Variants in CRHR2 observed in about 807,000 individuals in gnomAD.
The protein encoded by CRHR2 is corticotropin releasing hormone receptor 2, also known as corticotropin-releasing hormone receptor 2.
CRHR2 carries 53 observed loss-of-function variants against 57.9 expected under a neutral mutation model. That is an observed-to-expected ratio of 0.92 (90% CI 0.73 to 1.15). The LOEUF (loss-of-function observed/expected upper bound fraction) is 1.15. Among genes scored for constraint, CRHR2 ranks in the 50% most tolerant of loss-of-function variants. The pLI is 0.00. For synonymous variants in CRHR2, 213 were observed against 220.9 expected (o/e 0.96, Z 0.32); for missense variants, 532 against 542.6 (o/e 0.98, Z 0.19).
rs1309401047 is a variant in CRHR2 at position 30,665,116 on chromosome 7, C to G, written c.497G>C (p.Trp166Ser). 6.2e-7 allele frequency: 1 copy of G among 1,614,064 alleles called. No individual in the cohort carries two copies. The highest frequency in any genetic ancestry group is 1.1e-5 in the South Asian group (1 of 91,072). ...ATGGTCAACGAGCTGCAGCAGGAACCACATGACATTTCGCAGGATAAAGGT... is the reference window on the plus strand; with the variant it reads ...ATGGTCAACGAGCTGCAGCAGGAACGACATGACATTTCGCAGGATAAAGGT... The part of the protein sequence containing the change: ...ITTFILRNVM[W>S]FLLQLVDHEV... The change falls in exon 5 of 12, where the codon TGG (tryptophan) becomes TCG (serine). Residue 166 changes from tryptophan (W) to serine (S), a missense_variant. Coordinates refer to ENST00000471646, the MANE Select transcript of CRHR2 (RefSeq NM_001883.5). This position sits in a 1 kb window ranked among gnomAD's most constrained non-coding sequence, Gnocchi z 4.5.
At chr7:30,683,492 G>A (rs950120472), upstream of CRHR2, among the ~76,000 whole-genome samples, 3 of 152,154 alleles carry the variant, frequency 2.0e-5, no homozygotes, top group African/African-American at 4.8e-5. Context: ...TGCCCAGGGC[G>A]GGCCTGCTGT....
At chr7:30,663,931 G>C (rs1415030162) in intron 5 of CRHR2, among the ~76,000 whole-genome samples, 1 of 152,202 alleles carries the variant, frequency 6.6e-6, no homozygotes, top group African/African-American at 2.4e-5. Flanking sequence ...TAACCCTCCT[G>C]TGCTGAGCTG....
chr7:30,663,629 G>A (rs1784091315), intron 5 of CRHR2, among the ~76,000 whole-genome samples: 1 of 152,206 alleles, frequency 6.6e-6, no homozygotes, highest in African/African-American at 2.4e-5. Flanking sequence ...CAGGCACCAA[G>A]GCTACCTTCC....
At chr7:30,671,639 A>T (rs1292870024) in intron 2 of CRHR2, among the ~76,000 whole-genome samples, 37 of 87,026 alleles carry the variant, frequency 4.3e-4, no homozygotes, top group Non-Finnish European at 6.5e-4. Context: ...ATCTCTCAAA[A>T]AAAAAAAAAA....
In CRHR2 at chr7:30,653,634, G is replaced by C. The variant is rs771274285; in HGVS notation, c.1096-34C>G. The C allele has an allele frequency of 5.7e-6, 9 of 1,586,050 alleles. No homozygotes were observed. The highest frequency in any genetic ancestry group is 7.7e-6 in the Non-Finnish European group (9 of 1,170,500). On this transcript the variant is annotated intron_variant, in intron 11 of 11. Transcript: ENST00000471646. This position sits in a 1 kb window ranked among gnomAD's most constrained non-coding sequence, Gnocchi z 5.0. ...AAGGCAGAGGCTCAGCTGGCTCCCA[G>C]GGACCAACCCTGGGCTTCTGGGACC...
At chr7:30,685,725 T>C (rs776172291), upstream of CRHR2, among the ~76,000 whole-genome samples, 12 of 152,178 alleles carry the variant, frequency 7.9e-5, no homozygotes, top group Non-Finnish European at 1.6e-4. Flanking sequence ...AGATGGACAA[T>C]AGGATTCCCA....
upstream of CRHR2, among the ~76,000 whole-genome samples, chr7:30,687,416 A>G (rs1784876351): frequency 6.6e-6 from 1 of 152,032 alleles, no homozygotes; most frequent in Non-Finnish European, 1.5e-5. Flanking sequence ...CGACGAAACT[A>G]TGGACACACT....
chr7:30,691,728 C>G (rs1784964032), intron 1 of CRHR2, among the ~76,000 whole-genome samples: 1 of 152,188 alleles, frequency 6.6e-6, no homozygotes, highest in South Asian at 2.1e-4. Context: ...CTGCTGGCCC[C>G]AAAAGCTGAC....
chr7:30,678,405 C>T lies in CRHR2; in HGVS notation c.229+3510G>A, dbSNP rs77035496. On this transcript the variant is annotated intron_variant, in intron 2 of 11. Coordinates refer to ENST00000471646, the MANE Select transcript of CRHR2 (RefSeq NM_001883.5). ...TGTGGAAGCTCAGCCACTGAAGCGC[C>T]AGCACAGGTTGTGTAGAGAACACCC... Among the ~76,000 whole-genome samples, 228 of 152,334 alleles carry T rather than the reference C, an allele frequency of 1.5e-3. 1 individual carries two copies. The highest frequency in any genetic ancestry group is 5.2e-3 in the African/African-American group (215 of 41,564).
chr7:30,679,370 A>G (rs1784622828), intron 2 of CRHR2, among the ~76,000 whole-genome samples: 1 of 152,226 alleles, frequency 6.6e-6, no homozygotes, highest in South Asian at 2.1e-4. Flanking sequence ...AGGACTTTCA[A>G]TAAGTTACTT....
At chr7:30,654,565 A>G (rs1783704557) in intron 11 of CRHR2, 1 of 973,376 alleles carries the variant, frequency 1.0e-6, no homozygotes, top group African/African-American at 1.6e-5. Flanking sequence ...TTTGGGCCTC[A>G]TGATTGGCTT....
intron 3 of CRHR2, among the ~76,000 whole-genome samples, chr7:30,666,642 C>G (rs1784193124): frequency 6.6e-6 from 1 of 152,240 alleles, no homozygotes; most frequent in Non-Finnish European, 1.5e-5. Context: ...AGTCCCAGCC[C>G]CACTGAGGAC....
At chr7:30,688,594 C>T (rs577845314) in intron 2 of CRHR2, among the ~76,000 whole-genome samples, 2 of 152,216 alleles carry the variant, frequency 1.3e-5, no homozygotes, top group Non-Finnish European at 2.9e-5. Flanking sequence ...TGGCAGTGGC[C>T]CCAGGCCCGA....
At chr7:30,690,622 G>A (rs1784942415) in intron 1 of CRHR2, among the ~76,000 whole-genome samples, 1 of 152,158 alleles carries the variant, frequency 6.6e-6, no homozygotes, top group Non-Finnish European at 1.5e-5. Context: ...GAGCCCAAAA[G>A]CCCTCAAACA....
chr7:30,667,189 G>T, intron 3 of CRHR2, 39 bp downstream of exon 3: 3 of 1,581,552 alleles, frequency 1.9e-6, no homozygotes, highest in Non-Finnish European at 2.6e-6. Context: ...CCAAATACCT[G>T]TGTGAGGCCT....
chr7:30,692,465 C>A (rs956832186), intron 1 of CRHR2, among the ~76,000 whole-genome samples: 1 of 152,144 alleles, frequency 6.6e-6, no homozygotes, highest in African/African-American at 2.4e-5. Context: ...TTGAGGAAAC[C>A]GAAGGCCGTT....
chr7:30,684,921 A>G (rs1784824842), upstream of CRHR2, among the ~76,000 whole-genome samples: 1 of 152,258 alleles, frequency 6.6e-6, no homozygotes, highest in Non-Finnish European at 1.5e-5. Flanking sequence ...TTTGCTAACT[A>G]AAGAAGCAGA....
intron 2 of CRHR2, among the ~76,000 whole-genome samples, chr7:30,676,423 C>T (rs771100107): frequency 2.6e-5 from 4 of 152,134 alleles, no homozygotes; most frequent in African/African-American, 7.2e-5. Context: ...CCTGAGTTTC[C>T]GGATTTACAG....
intron 2 of CRHR2, among the ~76,000 whole-genome samples, chr7:30,671,893 G>GAGAAGA (rs3831721): frequency 1.3e-5 from 2 of 151,144 alleles, no homozygotes; most frequent in East Asian, 1.9e-4. Flanking sequence ...GGAGGAGGAG[G>GAGAAGA]AGAAGAAGAA....
Sources: allele counts gnomAD v4.1 joint callset (sites outside exome capture counted in the v4.1 genomes callset), GRCh38; gene constraint gnomAD v4.1.1; non-coding constraint Gnocchi (gnomAD v3.1); transcripts MANE v1.5; gene names NCBI Gene and HGNC (gene_info 2026-07-23, HGNC 2026-07-21).